Variants in MGST2 observed in about 807,000 individuals in gnomAD.
The protein encoded by MGST2 is glutathione peroxidase MGST2.
MGST2 carries 9 observed loss-of-function variants against 16.6 expected under a neutral mutation model. The ratio of observed to expected loss-of-function variants is 0.54; its 90% CI spans 0.33 to 0.95. MGST2 has a LOEUF of 0.95. MGST2 is among the 40% of genes least tolerant of loss of function. The pLI, the probability that MGST2 is intolerant of heterozygous loss-of-function variation, is 0.03. For missense variants in MGST2, 159 were observed against 175.1 expected, an observed-to-expected ratio of 0.91 and a Z score of 0.52; for synonymous variants, 79 against 68.0, an observed-to-expected ratio of 1.16 and a Z score of -0.79.
intron 5 of MGST2, chr4:139,725,914 G>T: frequency 1.7e-6 from 2 of 1,196,396 alleles, no homozygotes; most frequent in Non-Finnish European, 2.5e-6. Flanking sequence ...GCAGTTCCGA[G>T]GAAGGTAGTG....
chr4:139,727,656 G>A (rs1728529145), intron 5 of MGST2, among the ~76,000 whole-genome samples: 1 of 152,200 alleles, frequency 6.6e-6, no homozygotes, highest in South Asian at 2.1e-4. Context: ...ATGGATGAGA[G>A]GTTATGTGCT....
rs8192058 is a variant in MGST2, at chr4:139,677,650, C to T, written c.59-893C>T. On this transcript the variant is annotated intron_variant, in intron 1 of 4. Coordinates refer to ENST00000265498, the MANE Select transcript of MGST2 (RefSeq NM_002413.5). ...CTGAGTAGCTGGGATTACAGGCATG[C>T]ACCACCACGTCCAGCAAATTTTTTG... is the stretch of plus-strand genomic sequence containing the variant. Among the ~76,000 whole-genome samples, 92 of 152,100 alleles carry T rather than the reference C, an allele frequency of 6.0e-4. 1 individual carries two copies. The highest frequency in any genetic ancestry group is 1.9e-3 in the African/African-American group (80 of 41,500).
intron 2 of MGST2, among the ~76,000 whole-genome samples, chr4:139,682,376 G>C (rs77299074): frequency 6.8e-4 from 103 of 151,674 alleles, no homozygotes; most frequent in African/African-American, 2.3e-3. Flanking sequence ...GGTGGCATTT[G>C]TGAACATGTA....
chr4:139,671,592 G>A (rs1003477621), intron 1 of MGST2, among the ~76,000 whole-genome samples: 4 of 151,722 alleles, frequency 2.6e-5, no homozygotes, highest in African/African-American at 9.7e-5. Flanking sequence ...TCAGCCTCCC[G>A]AGTAGCTGGG....
At chr4:139,720,098 A>G in intron 5 of MGST2, 1 of 1,614,022 alleles carries the variant, frequency 6.2e-7, no homozygotes, top group Non-Finnish European at 8.5e-7. Context: ...ATGCTGCAAC[A>G]TTTGGGTCAT....
chr4:139,703,637 TGGTGGCAAAA>T, intron 4 of MGST2, 101 bp downstream of exon 4: 3 of 1,131,466 alleles, frequency 2.7e-6, no homozygotes, highest in Non-Finnish European at 4.0e-6. Flanking sequence ...CTGTGAGTTG[TGGTGGCAAAA>T]GTAATCCATA....
At chr4:139,698,371 G>T in intron 3 of MGST2, 1 of 1,607,414 alleles carries the variant, frequency 6.2e-7, no homozygotes, top group African/African-American at 1.3e-5. Context: ...TTGCGAACCA[G>T]AAGTTCAGTG....
At chr4:139,719,364 C>T (rs1013228429) in intron 5 of MGST2, 15 of 1,608,410 alleles carry the variant, frequency 9.3e-6, no homozygotes, top group East Asian at 6.7e-5. Flanking sequence ...TGCATCCACT[C>T]GTCCCCTGGC....
At chr4:139,719,186 C>T (rs1728118447) in intron 5 of MGST2, 3 of 985,596 alleles carry the variant, frequency 3.0e-6, no homozygotes, top group Middle Eastern at 6.5e-4. Flanking sequence ...CCTGGATCTT[C>T]CATTGTCAGC....
chr4:139,747,555 G>A, the MGST2 span, among the ~76,000 whole-genome samples: 3 of 152,016 alleles, frequency 2.0e-5, no homozygotes, highest in Non-Finnish European at 1.5e-5. Context: ...TTAGCCGGCT[G>A]TGGTGGTGTG....
At chr4:139,675,610 G>A (rs1267270376) in intron 1 of MGST2, among the ~76,000 whole-genome samples, 1 of 152,182 alleles carries the variant, frequency 6.6e-6, no homozygotes, top group Non-Finnish European at 1.5e-5. Context: ...TGGCCCACAG[G>A]GAGTAAGAAT....
downstream of MGST2, among the ~76,000 whole-genome samples, chr4:139,707,374 C>T (rs2110917607): frequency 6.6e-6 from 1 of 152,270 alleles, no homozygotes; most frequent in South Asian, 2.1e-4. Context: ...CTACAAAGGA[C>T]ATGAACTCTT....
intron 5 of MGST2, chr4:139,720,372 T>C (rs373759989): frequency 3.4e-6 from 5 of 1,467,770 alleles, no homozygotes; most frequent in African/African-American, 2.8e-5. Flanking sequence ...CCATAAGCAA[T>C]ATACTGCAAC....
the MGST2 span, among the ~76,000 whole-genome samples, chr4:139,746,871 A>C: frequency 6.6e-6 from 1 of 152,186 alleles, no homozygotes; most frequent in African/African-American, 2.4e-5. Flanking sequence ...AAAGGTAATA[A>C]AAAGCCTAGG....
intron 1 of MGST2, among the ~76,000 whole-genome samples, chr4:139,675,955 C>T (rs1730937222): frequency 6.6e-6 from 1 of 152,024 alleles, no homozygotes; most frequent in African/African-American, 2.4e-5. Flanking sequence ...CTGGAACCGG[C>T]CTTAGATATA....
downstream of MGST2, among the ~76,000 whole-genome samples, chr4:139,742,151 T>C (rs1424806443): frequency 1.2e-3 from 1 of 866 alleles, no homozygotes; most frequent in African/African-American, 2.1e-3. Flanking sequence ...TTTCTTTTCT[T>C]TTTTTTTTTT....
At chr4:139,738,171 T>C (rs927087788) in intron 5 of MGST2, among the ~76,000 whole-genome samples, 1 of 152,254 alleles carries the variant, frequency 6.6e-6, no homozygotes, top group Non-Finnish European at 1.5e-5. Flanking sequence ...CTCTTGATCA[T>C]GCAGGGCATC....
chr4:139,751,047 C>T, the MGST2 span, among the ~76,000 whole-genome samples: 129 of 152,316 alleles, frequency 8.5e-4, no homozygotes, highest in Non-Finnish European at 1.5e-3. Context: ...GAAGGTCAGT[C>T]GTCCGTCTTC....
At chr4:139,685,121 C>A (rs898831312) in intron 2 of MGST2, 20 of 152,294 alleles carry the variant, frequency 1.3e-4, no homozygotes, top group African/African-American at 4.3e-4. Context: ...TGTACTCTAC[C>A]AGTCCAGCCA....
Sources: allele counts gnomAD v4.1 joint callset (sites outside exome capture counted in the v4.1 genomes callset), GRCh38; gene constraint gnomAD v4.1.1; transcripts MANE v1.5; gene names NCBI Gene and HGNC (gene_info 2026-07-23, HGNC 2026-07-21).